TWNK: variants seen among roughly 807,000 people sequenced by gnomAD.
The protein encoded by TWNK is T7 gp4-like protein with intramitochondrial nucleoid localization.
Under a neutral mutation model 58.2 loss-of-function variants are expected in TWNK, and 36 were observed. That is an observed-to-expected ratio of 0.62 (90% CI 0.47 to 0.82). The LOEUF is 0.82. Ranked by LOEUF, TWNK falls within the 40% of genes least tolerant of loss-of-function variation. The pLI is 0.00. For missense variants in TWNK, 714 were observed against 881.0 expected (o/e 0.81, Z 2.40); for synonymous variants, 349 against 348.5 (o/e 1.00, Z -0.02).
At chr10:100,993,111 C>A in intron 4 of TWNK, 79 bp from the exon 5 acceptor site, 1 of 1,461,036 alleles carries the variant, frequency 6.8e-7, no homozygotes, top group South Asian at 1.1e-5. Context: ...ATCACTCCTC[C>A]CTGCCCTGTC....
chr10:100,993,422 A>C lies in TWNK; in HGVS notation c.1967A>C (p.Lys656Thr). The C allele has an allele frequency of 6.2e-7, 1 of 1,614,236 alleles. No individual in the cohort carries two copies. Among genetic ancestry groups the C allele is most frequent in the Non-Finnish European group, 8.5e-7 (1 of 1,180,040 alleles). Reference sequence around the variant, plus strand: ...GTGGCCAAAAAGCCCTCTTCTGGCAAAAAGGGGGCTACGACACAGAACTCT... The same window carrying C: ...GTGGCCAAAAAGCCCTCTTCTGGCACAAAGGGGGCTACGACACAGAACTCT... The part of the protein sequence containing the change: ...GPVAKKPSSG[K>T]KGATTQNSEI... Residue 656 changes from lysine to threonine, a missense_variant, in exon 5 of 5, where the codon AAA (lysine) becomes ACA (threonine). By Grantham distance (78) the Lys-to-Thr change is moderately conservative (BLOSUM62 -1). Coordinates refer to ENST00000311916, the MANE Select transcript of TWNK (RefSeq NM_021830.5).
rs758267849 is a variant in TWNK, at chr10:100,993,478, G to A, written c.2023G>A (p.Asp675Asn). ...EICSGQAPTP[D>N]QPDTSKRSK ...TTGCTCAGGCCAGGCCCCCACTCCC[G>A]ACCAGCCAGACACCTCCAAGCGTTC... Residue 675 changes from aspartate to asparagine, a missense_variant, in exon 5 of 5, where the codon GAC becomes AAC. Transcript: ENST00000311916. 20 of 1,613,992 alleles carry A rather than the reference G, an allele frequency of 1.2e-5. No individual in the cohort carries two copies. The highest frequency in any genetic ancestry group is 6.7e-5 in the Admixed American group (4 of 60,012).
chr10:100,990,636 G>A, intron 3 of TWNK, 93 bp downstream of exon 3: 1 of 1,609,954 alleles, frequency 6.2e-7, no homozygotes, highest in Non-Finnish European at 8.5e-7. Flanking sequence ...CACATGCTGT[G>A]CTCTCCTATT....
In TWNK at chr10:100,988,457, C is replaced by G. The variant is rs386834147; in HGVS notation, c.247C>G (p.Pro83Ala). Residue 83 changes from proline (P) to alanine (A), a missense_variant, in exon 1 of 5, where the codon CCC (proline) becomes GCC (alanine). Pro to Ala is a conservative substitution (Grantham distance 27). Coordinates refer to ENST00000311916, the MANE Select transcript of TWNK (RefSeq NM_021830.5). This position sits in a 1 kb window ranked among gnomAD's most constrained non-coding sequence, Gnocchi z 5.2. ...DGHSCLRALSPFAESSQLKGQ... is the reference protein window; with the variant it reads ...DGHSCLRALSAFAESSQLKGQ... Reference sequence around the variant, plus strand: ...TCACAGTTGCCTGCGGGCACTGAGCCCCTTTGCAGAGTCTTCACAGCTCAA... The same window carrying G: ...TCACAGTTGCCTGCGGGCACTGAGCGCCTTTGCAGAGTCTTCACAGCTCAA... The G allele has an allele frequency of 6.2e-6, 10 of 1,614,104 alleles. No individual in the cohort carries two copies. Among genetic ancestry groups the G allele is most frequent in the African/African-American group, 1.3e-5 (1 of 74,938 alleles).
In TWNK at chr10:100,990,884, C is replaced by T; in HGVS notation, c.1608C>T (p.Asp536=). 2 of 1,614,230 alleles carry T rather than the reference C, an allele frequency of 1.2e-6. No individual in the cohort carries two copies. The highest frequency in any genetic ancestry group is 1.1e-5 in the South Asian group (1 of 91,086). ...GATGGCGTAGGATCGCAGCTCAAGACTACATCATCGGGGTCTTTCGGAAGT... is the reference window on the plus strand; with the variant it reads ...GATGGCGTAGGATCGCAGCTCAAGATTACATCATCGGGGTCTTTCGGAAGT... The part of the protein sequence containing the change: ...QLSTDRIAAQ[D]YIIGVFRKFA... The change falls in exon 4 of 5, where the codon GAC becomes GAT. Residue 536 remains aspartate, a synonymous_variant. Coordinates refer to ENST00000311916, the MANE Select transcript of TWNK (RefSeq NM_021830.5).
chr10:100,988,149 G>A lies in TWNK; in HGVS notation c.-62G>A. 1 of 1,589,832 alleles carries A rather than the reference G, an allele frequency of 6.3e-7. No individual in the cohort carries two copies. ...GGATATCCCTAGAGTTTGGTCTAGT[G>A]AAGGCACGCTAACCAGGCACCTAAG... On this transcript the variant is annotated 5_prime_UTR_variant, in exon 1 of 5. Coordinates refer to ENST00000311916, the MANE Select transcript of TWNK (RefSeq NM_021830.5). This position sits in a 1 kb window ranked among gnomAD's most constrained non-coding sequence, Gnocchi z 5.2.
At position 100,988,864 on chromosome 10, in the gene TWNK, C is replaced by A; in HGVS notation, c.654C>A (p.Gly218=). The A allele has an allele frequency of 1.2e-6, 2 of 1,614,170 alleles. No homozygotes were observed. The highest frequency in any genetic ancestry group is 2.2e-5 in the East Asian group (1 of 44,882). Reference sequence around the variant, plus strand: ...CCCCTGGGGGCTCAGGATTACGAGGCCTGAAGCTCCTAGAGGCTAAATGCC... The same window carrying A: ...CCCCTGGGGGCTCAGGATTACGAGGACTGAAGCTCCTAGAGGCTAAATGCC... ...WFSPGGSGLR[G]LKLLEAKCQG... is the part of the protein sequence containing the mutation. Residue 218 remains glycine, a synonymous_variant, in exon 1 of 5, where the codon GGC becomes GGA. Coordinates refer to ENST00000311916, the MANE Select transcript of TWNK (RefSeq NM_021830.5). The surrounding 1 kb of genome is among the most constrained non-coding windows in gnomAD (Gnocchi z 5.2).
In TWNK at chr10:100,993,828, T is replaced by C; in HGVS notation, c.*318T>C. Reference sequence around the variant, plus strand: ...CAGAAAACCTAGTTTTAGTGAAAAATGCTGTAAAGAAAATAGAAATGCGAT... The same window carrying C: ...CAGAAAACCTAGTTTTAGTGAAAAACGCTGTAAAGAAAATAGAAATGCGAT... On this transcript the variant is annotated 3_prime_UTR_variant, in exon 5 of 5. Coordinates refer to ENST00000311916, the MANE Select transcript of TWNK (RefSeq NM_021830.5). 1 of 410,518 alleles carries C rather than the reference T, an allele frequency of 2.4e-6. No individual in the cohort carries two copies. The highest frequency in any genetic ancestry group is 4.5e-6 in the Non-Finnish European group (1 of 223,830). 25.4% of individuals were successfully genotyped at this position (410,518 alleles called of 1,614,324 possible).
In TWNK at chr10:100,987,987, C is replaced by G; in HGVS notation, c.-224C>G. ...CTAACGGACCATAGAGGTGGGGGAGCCATTGTAGAAGGACGTGGACGCGAA... is the reference window on the plus strand; with the variant it reads ...CTAACGGACCATAGAGGTGGGGGAGGCATTGTAGAAGGACGTGGACGCGAA... On this transcript the variant is annotated 5_prime_UTR_variant, in exon 1 of 5. Coordinates refer to ENST00000311916, the MANE Select transcript of TWNK (RefSeq NM_021830.5). 1.6e-6 allele frequency: 1 copy of G among 643,776 alleles called. No homozygotes were observed. The highest frequency in any genetic ancestry group is 2.8e-6 in the Non-Finnish European group (1 of 357,232). The allele number at this position is 643,776 out of a possible 1,614,324, so 39.9% of individuals were successfully genotyped here.
chr10:100,988,937 G>A lies in TWNK; in HGVS notation c.727G>A (p.Ala243Thr), dbSNP rs1400893442. The A allele has an allele frequency of 3.7e-6, 6 of 1,614,022 alleles. No homozygotes were observed. Among genetic ancestry groups the A allele is most frequent in the Admixed American group, 1.7e-5 (1 of 59,990 alleles). ...YEETTIPRPSAYHNLFGLPLI... is the reference protein window; with the variant it reads ...YEETTIPRPSTYHNLFGLPLI... The stretch of plus-strand genomic sequence containing the variant: ...GGAAACCACTATTCCCCGACCCAGC[G>A]CCTACCACAATCTGTTTGGATTACC... Residue 243 changes from alanine (A) to threonine (T), a missense_variant, in exon 1 of 5, where the codon GCC becomes ACC. Around this residue, in one of 3 missense-constraint regions of TWNK, gnomAD observed 348 missense variants for 388.4 expected, o/e 0.90. Coordinates refer to ENST00000311916, the MANE Select transcript of TWNK (RefSeq NM_021830.5). This position sits in a 1 kb window ranked among gnomAD's most constrained non-coding sequence, Gnocchi z 5.2.
Position 100,993,678 on chromosome 10 carries a change from C to A in TWNK, c.*168C>A. The A allele has an allele frequency of 1.4e-6, 1 of 721,438 alleles. No individual in the cohort carries two copies. The allele number at this position is 721,438 out of a possible 1,614,324, so 44.7% of individuals were successfully genotyped here. A position where few individuals can be genotyped will look rare whatever the true frequency, so the allele number is the denominator to read the frequency against. ...TGAGAAAATTCAATGTAGCAGACTACTGAGAAACTACTGTGTTGCTCAGGC... is the reference window on the plus strand; with the variant it reads ...TGAGAAAATTCAATGTAGCAGACTAATGAGAAACTACTGTGTTGCTCAGGC... On this transcript the variant is annotated 3_prime_UTR_variant, in exon 5 of 5. Transcript: ENST00000311916.
chr10:100,988,781 A>C lies in TWNK; in HGVS notation c.571A>C (p.Lys191Gln), dbSNP rs1337146885. Residue 191 changes from lysine (K) to glutamine (Q), a missense_variant, in exon 1 of 5, where the codon AAG becomes CAG. Physicochemically the swap from Lys to Gln is moderately conservative, Grantham distance 53. Transcript: ENST00000311916. This position sits in a 1 kb window ranked among gnomAD's most constrained non-coding sequence, Gnocchi z 5.2. ...TACCAAGGTTACAGATGACACACTC[A>C]AGCGTTTCAGTGTGCGATATCTGCG... ...GLTKVTDDTL[K>Q]RFSVRYLRPA... 2 of 1,614,162 alleles carry C rather than the reference A, an allele frequency of 1.2e-6. No homozygotes were observed. Among genetic ancestry groups the C allele is most frequent in the Non-Finnish European group, 1.7e-6 (2 of 1,180,038 alleles).
rs1851678063 is a variant in TWNK, at chr10:100,988,996, G to C, written c.786G>C (p.Leu262=). The change falls in exon 1 of 5, where the codon CTG becomes CTC. Residue 262 remains leucine (L), a synonymous_variant. Transcript: ENST00000311916. The surrounding 1 kb of genome is among the most constrained non-coding windows in gnomAD (Gnocchi z 5.2). ...LISRRDAEVV[L]TSRELDSLAL... is the part of the protein sequence containing the mutation. Reference sequence around the variant, plus strand: ...GTCGTCGAGATGCTGAGGTGGTACTGACGAGTCGTGAGCTTGACAGCCTGG... The same window carrying C: ...GTCGTCGAGATGCTGAGGTGGTACTCACGAGTCGTGAGCTTGACAGCCTGG... 1 of 1,614,076 alleles carries C rather than the reference G, an allele frequency of 6.2e-7. No individual in the cohort carries two copies. The highest frequency in any genetic ancestry group is 1.3e-5 in the African/African-American group (1 of 74,922).
At chr10:100,991,287 A>T (rs980644323) in intron 4 of TWNK, 4 of 514,520 alleles carry the variant, frequency 7.8e-6, no homozygotes, top group Non-Finnish European at 1.1e-5. Flanking sequence ...GATAGGCAGC[A>T]CAAGTATTTG....
At position 100,993,489 on chromosome 10, in the gene TWNK, C is replaced by T; in HGVS notation, c.2034C>T (p.Asp678=). ...AGGCCCCCACTCCCGACCAGCCAGA[C>T]ACCTCCAAGCGTTCAAAGTGAAGGC... ...SGQAPTPDQP[D]TSKRSK Residue 678 remains aspartate, a synonymous_variant, in exon 5 of 5, where the codon GAC becomes GAT. Transcript: ENST00000311916. 1 of 1,614,184 alleles carries T rather than the reference C, an allele frequency of 6.2e-7. No individual in the cohort carries two copies. Among genetic ancestry groups the T allele is most frequent in the Non-Finnish European group, 8.5e-7 (1 of 1,180,032 alleles).
intron 4 of TWNK, 87 bp from the exon 5 acceptor site, chr10:100,993,103 C>A: frequency 7.1e-7 from 1 of 1,406,748 alleles, no homozygotes; most frequent in South Asian, 1.2e-5. Flanking sequence ...CCATTCTTAT[C>A]ACTCCTCCCT....
At position 100,994,256 on chromosome 10, in the gene TWNK, G is replaced by A. The variant is rs1851865652; in HGVS notation, c.*746G>A. Reference sequence around the variant, plus strand: ...GGTGGGAGCTGCCTCGGGCTGGGTTGCTTGGTCATAGAGCCATAGAAGGAA... The same window carrying A: ...GGTGGGAGCTGCCTCGGGCTGGGTTACTTGGTCATAGAGCCATAGAAGGAA... On this transcript the variant is annotated 3_prime_UTR_variant, in exon 5 of 5. Transcript: ENST00000311916. The A allele has an allele frequency of 6.6e-6, 1 of 152,420 alleles. No individual in the cohort carries two copies. The highest frequency in any genetic ancestry group is 1.9e-4 in the East Asian group (1 of 5,196). 9.4% of individuals were successfully genotyped at this position (152,420 alleles called of 1,614,324 possible).
chr10:100,989,355 C>G lies in TWNK; in HGVS notation c.1145C>G (p.Ser382Ter), dbSNP rs1851699165. The G allele has an allele frequency of 6.2e-7, 1 of 1,614,076 alleles. No individual in the cohort carries two copies. Among genetic ancestry groups the G allele is most frequent in the African/African-American group, 1.3e-5 (1 of 74,926 alleles). ...CGGGAGGAGGTGCTAGGAGAACTGT[C>G]AAATGTGGAGCAAGCAGCTGGCCTC... is the stretch of plus-strand genomic sequence containing the variant. ...QLREEVLGEL[S>*]NVEQAAGLRW... The change falls in exon 1 of 5, where the codon TCA (serine) becomes TGA (stop). Residue 382 changes from serine to a stop codon, truncating the protein, a stop_gained. Coordinates refer to ENST00000311916, the MANE Select transcript of TWNK (RefSeq NM_021830.5). LOFTEE classifies it high-confidence loss of function. The surrounding 1 kb of genome is among the most constrained non-coding windows in gnomAD (Gnocchi z 7.6).
chr10:100,990,740 G>A, intron 3 of TWNK, 129 bp from the exon 4 acceptor site: 2 of 1,567,578 alleles, frequency 1.3e-6, no homozygotes, highest in Non-Finnish European at 1.8e-6. Context: ...ATCTGAGTGT[G>A]AGTCCTTGGG....
Sources: gnomAD v4.1 joint callset for allele counts on GRCh38, gnomAD v4.1.1 for gene constraint, gnomAD v4.1.1 regional missense constraint, Gnocchi (gnomAD v3.1) non-coding constraint, MANE v1.5 for transcripts, NCBI Gene and HGNC (gene_info 2026-07-23, HGNC 2026-07-21) for gene names.